ZFHX3: variants seen among roughly 807,000 people sequenced by gnomAD.
ZFHX3 encodes the protein zinc finger homeobox protein 3.
ZFHX3 carries 42 observed loss-of-function variants against 279.1 expected under a neutral mutation model. That is an observed-to-expected ratio of 0.15 (90% CI 0.12 to 0.19). The LOEUF is 0.19. ZFHX3 is among the 10% of genes least tolerant of loss of function. The pLI is 1.00. For synonymous variants in ZFHX3, 2,293 were observed against 1,957.8 expected (o/e 1.17, Z -4.52); for missense variants, 4,981 against 4,754.0 (o/e 1.05, Z -1.40).
At chr16:73,316,475 C>T (rs2015451388) in intron 4 of ZFHX3, among the ~76,000 whole-genome samples, 1 of 152,142 alleles carries the variant, frequency 6.6e-6, no homozygotes, top group Non-Finnish European at 1.5e-5. Context: ...ATGGACTGTT[C>T]CTTCTCTGAC....
chr16:73,434,152 C>A (rs1313371499), intron 3 of ZFHX3, among the ~76,000 whole-genome samples: 1 of 152,198 alleles, frequency 6.6e-6, no homozygotes, highest in African/African-American at 2.4e-5. Context: ...CATCTATTTG[C>A]TGATCGATCT....
chr16:73,272,834 C>T (rs774239380), intron 4 of ZFHX3, among the ~76,000 whole-genome samples: 8 of 152,156 alleles, frequency 5.3e-5, no homozygotes, highest in Non-Finnish European at 1.0e-4. Context: ...GCAGCCTTAA[C>T]CTCCTGGGTT....
chr16:73,251,693 ACACACATGCACACACACATACACAC>A (rs2013493296), intron 5 of ZFHX3, among the ~76,000 whole-genome samples: 1 of 151,554 alleles, frequency 6.6e-6, no homozygotes. Context: ...CACACCACAC[ACACACATGCACACACACATACACAC>A]CACACACGCA....
chr16:73,738,932 C>T (rs1221310234), intron 1 of ZFHX3, among the ~76,000 whole-genome samples: 1 of 152,162 alleles, frequency 6.6e-6, no homozygotes, highest in Admixed American at 6.5e-5. Context: ...CCAGAAGCTT[C>T]CTTTCGTCTA....
At chr16:73,439,909 C>CAAAAAAAAAAAAAAAAAAA (rs71156164) in intron 3 of ZFHX3, among the ~76,000 whole-genome samples, 1 of 75,432 alleles carries the variant, frequency 1.3e-5, no homozygotes, top group African/African-American at 6.3e-5. Context: ...GGGAGAGGGA[C>CAAAAAAAAAAAAAAAAAAA]AAAAAAAAAA....
At chr16:73,262,219 A>G (rs2013846701) in intron 4 of ZFHX3, among the ~76,000 whole-genome samples, 1 of 152,202 alleles carries the variant, frequency 6.6e-6, no homozygotes. Flanking sequence ...CAAAGATGGG[A>G]GGAGAATTAG....
chr16:72,787,913 G>T lies in ZFHX3; in HGVS notation c.10363C>A (p.Pro3455Thr), dbSNP rs1213646160. ...TACTGCACCTTTGGAACAATGAAGG[G>T]GTCGTAGAGGGAGTCCGCACTTTTG... is the stretch of plus-strand genomic sequence containing the variant. ...ESKSADSLYD[P>T]FIVPKVQYKL... Residue 3455 changes from proline (P) to threonine (T), a missense_variant, in exon 10 of 10, where the codon CCC (proline) becomes ACC (threonine). Around this residue, in one of 7 missense-constraint regions of ZFHX3, gnomAD observed 1,034 missense variants for 786.0 expected, o/e 1.32. Transcript: ENST00000268489. The T allele has an allele frequency of 6.2e-7, 1 of 1,614,094 alleles. No homozygotes were observed. Among genetic ancestry groups the T allele is most frequent in the South Asian group, 1.1e-5 (1 of 91,078 alleles).
chr16:73,000,262 C>T (rs1407497459), intron 1 of ZFHX3, among the ~76,000 whole-genome samples: 3 of 152,158 alleles, frequency 2.0e-5, no homozygotes, highest in Admixed American at 6.5e-5. Context: ...ACGAAGGGCA[C>T]GCGGTGAAAG....
intron 2 of ZFHX3, among the ~76,000 whole-genome samples, chr16:73,512,808 T>C (rs142613999): frequency 2.6e-4 from 39 of 152,274 alleles, no homozygotes; most frequent in Non-Finnish European, 2.8e-4. Context: ...TTAGAATAAA[T>C]TTATTATTTG....
At chr16:73,738,748 C>G (rs6564510) in intron 1 of ZFHX3, among the ~76,000 whole-genome samples, 6,407 of 152,276 alleles carry the variant, frequency 0.042, 490 homozygotes, top group African/African-American at 0.15. Flanking sequence ...GGAATTCACA[C>G]GGCTCCAGTC....
chr16:73,361,502 C>T (rs967798630), intron 3 of ZFHX3, among the ~76,000 whole-genome samples: 4 of 152,200 alleles, frequency 2.6e-5, no homozygotes, highest in Non-Finnish European at 4.4e-5. Context: ...CTTGAGGTGT[C>T]TGGTTATGCA....
At chr16:73,834,867 C>T (rs1046149041) in intron 1 of ZFHX3, among the ~76,000 whole-genome samples, 11 of 151,918 alleles carry the variant, frequency 7.2e-5, no homozygotes, top group Middle Eastern at 3.4e-3. Flanking sequence ...TCCAGCCTGG[C>T]GACAGTACGA....
chr16:72,829,451 A>G (rs2037013610), intron 5 of ZFHX3: 1 of 272,266 alleles, frequency 3.7e-6, no homozygotes. Context: ...ATTTTGGTGA[A>G]GAGCCACCAA....
At chr16:72,802,298 TC>T (rs1181126098) in intron 7 of ZFHX3, among the ~76,000 whole-genome samples, 1 of 152,090 alleles carries the variant, frequency 6.6e-6, no homozygotes, top group Non-Finnish European at 1.5e-5. Flanking sequence ...AGACACCAAT[TC>T]ATCAGCCCTC....
chr16:73,041,276 G>A (rs1442563752), intron 1 of ZFHX3, among the ~76,000 whole-genome samples: 1 of 152,080 alleles, frequency 6.6e-6, no homozygotes, highest in African/African-American at 2.4e-5. Flanking sequence ...AGTTTCACCA[G>A]CAAGGGCAAA....
intron 1 of ZFHX3, among the ~76,000 whole-genome samples, chr16:73,021,676 C>T (rs965864675): frequency 6.6e-5 from 10 of 151,224 alleles, no homozygotes; most frequent in Non-Finnish European, 1.0e-4. Context: ...ACTAAAAATA[C>T]AAAAATTAGC....
intron 1 of ZFHX3, among the ~76,000 whole-genome samples, chr16:72,996,055 GT>G (rs1415179096): frequency 6.6e-6 from 1 of 151,896 alleles, no homozygotes; most frequent in Non-Finnish European, 1.5e-5. Context: ...ATCACCTGAG[GT>G]CAGGAGTTCC....
chr16:73,619,956 G>A (rs1423901017), intron 2 of ZFHX3, among the ~76,000 whole-genome samples: 2 of 152,138 alleles, frequency 1.3e-5, no homozygotes, highest in Non-Finnish European at 2.9e-5. Flanking sequence ...TAGCACCCTA[G>A]TAGGCTTTTT....
chr16:72,933,142 A>G (rs1465539700), intron 3 of ZFHX3, among the ~76,000 whole-genome samples: 1 of 152,106 alleles, frequency 6.6e-6, no homozygotes, highest in Admixed American at 6.5e-5. Context: ...GCATCCAGAC[A>G]CCTCCTGAAT....
Sources: gnomAD v4.1 joint callset for allele counts (sites outside exome capture counted in the v4.1 genomes callset) on GRCh38, gnomAD v4.1.1 for gene constraint, gnomAD v4.1.1 regional missense constraint, MANE v1.5 for transcripts, NCBI Gene and HGNC (gene_info 2026-07-23, HGNC 2026-07-21) for gene names.